The following CLRN1 variants were observed in gnomAD, a reference collection of about 807,000 sequenced individuals.
CLRN1 encodes the protein clarin-1.
Under a neutral mutation model 18.7 loss-of-function variants are expected in CLRN1, and 15 were observed. The observed-to-expected ratio is 0.80, with a 90% CI of 0.54 to 1.23. The LOEUF is 1.23. Among genes scored for constraint, CLRN1 ranks in the 50% most tolerant of loss-of-function variants. The probability of loss-of-function intolerance (pLI) is 0.00; values close to 1 mark genes in which losing one functional copy is unlikely to be tolerated. For synonymous variants in CLRN1, 104 were observed against 102.9 expected (o/e 1.01, Z -0.07); for missense variants, 311 against 277.5 (o/e 1.12, Z -0.86).
chr3:150,952,094 A>G (rs1714516716), intron 1 of CLRN1, among the ~76,000 whole-genome samples: 1 of 152,200 alleles, frequency 6.6e-6, no homozygotes, highest in Non-Finnish European at 1.5e-5. Flanking sequence ...GCAGTTGTCC[A>G]CTATGCCCCA....
intron 1 of CLRN1, among the ~76,000 whole-genome samples, chr3:150,963,758 C>A (rs892191800): frequency 3.3e-5 from 5 of 152,124 alleles, no homozygotes; most frequent in African/African-American, 1.2e-4. Context: ...AGAAATAATG[C>A]CACACATCTA....
intron 2 of CLRN1, among the ~76,000 whole-genome samples, chr3:150,936,305 A>G (rs73153896): frequency 0.34 from 51,379 of 151,944 alleles, 8,888 homozygotes; most frequent in South Asian, 0.4. Flanking sequence ...ATGCCCAAAT[A>G]TACATCTTTC....
intron 1 of CLRN1, among the ~76,000 whole-genome samples, chr3:150,956,884 TCAGTCTATGAA>T (rs1714760532): frequency 6.6e-6 from 1 of 152,134 alleles, no homozygotes; most frequent in South Asian, 2.1e-4. Flanking sequence ...TCCACTTCTT[TCAGTCTATGAA>T]CCTGGCTTAT....
At chr3:150,940,989 T>C (rs1435706713) in intron 2 of CLRN1, among the ~76,000 whole-genome samples, 4 of 152,122 alleles carry the variant, frequency 2.6e-5, no homozygotes, top group Non-Finnish European at 5.9e-5. Flanking sequence ...ATGCCATTTA[T>C]TTATTTTTAT....
intron 1 of CLRN1, among the ~76,000 whole-genome samples, chr3:150,965,305 G>T (rs947542862): frequency 8.6e-5 from 13 of 151,982 alleles, no homozygotes; most frequent in African/African-American, 3.1e-4. Flanking sequence ...CCCATGTAAG[G>T]GTTGTAGATA....
chr3:150,944,988 G>A (rs944538711), intron 1 of CLRN1, among the ~76,000 whole-genome samples: 1 of 152,140 alleles, frequency 6.6e-6, no homozygotes, highest in Non-Finnish European at 1.5e-5. Flanking sequence ...AGAAGACTGG[G>A]GTGTTAAAGA....
At chr3:150,964,043 A>G (rs1715156410) in intron 1 of CLRN1, among the ~76,000 whole-genome samples, 1 of 152,240 alleles carries the variant, frequency 6.6e-6, no homozygotes, top group African/African-American at 2.4e-5. Flanking sequence ...CAATGGCAAC[A>G]AAAGCCAAAA....
downstream of CLRN1, chr3:150,926,272 A>C (rs1215248885): frequency 6.3e-6 from 1 of 159,166 alleles, no homozygotes; most frequent in Non-Finnish European, 1.4e-5. Flanking sequence ...CTAAAGAAAA[A>C]AGCCTGGTGT....
chr3:150,937,972 T>C (rs771830780), intron 2 of CLRN1, among the ~76,000 whole-genome samples: 5 of 152,154 alleles, frequency 3.3e-5, no homozygotes, highest in Non-Finnish European at 7.3e-5. Context: ...AGGACTTCTT[T>C]TCCCTTCCCT....
chr3:150,928,768 T>G (rs1216198390), intron 2 of CLRN1, among the ~76,000 whole-genome samples: 2 of 152,210 alleles, frequency 1.3e-5, no homozygotes, highest in Non-Finnish European at 2.9e-5. Context: ...GTGGCGCACA[T>G]CTCTATTCTC....
At position 150,972,524 on chromosome 3, in the gene CLRN1, T is replaced by C. The variant is rs903439082; in HGVS notation, c.185A>G (p.Gln62Arg). ...QELDKFMGEM[Q>R]YGLFHGEGVR... is the part of the protein sequence containing the mutation. ...ACCCTCTCCGTGGAAAAGCCCGTAC[T>C]GCATTTCACCCATAAACTTGTCCAG... is the stretch of plus-strand genomic sequence containing the variant. The change falls in exon 1 of 3, where the codon CAG (glutamine) becomes CGG (arginine). Residue 62 changes from glutamine (Q) to arginine (R), a missense_variant. Physicochemically the swap from Gln to Arg is conservative, Grantham distance 43 (BLOSUM62 1). Transcript: ENST00000327047. The C allele has an allele frequency of 1.2e-6, 2 of 1,614,234 alleles. No homozygotes were observed. Among genetic ancestry groups the C allele is most frequent in the Non-Finnish European group, 1.7e-6 (2 of 1,180,048 alleles).
intron 1 of CLRN1, among the ~76,000 whole-genome samples, chr3:150,968,141 T>C (rs1715352081): frequency 6.6e-6 from 1 of 152,224 alleles, no homozygotes; most frequent in Non-Finnish European, 1.5e-5. Flanking sequence ...ATCTTGGCAA[T>C]GAATAGATCA....
At chr3:150,960,112 TA>T (rs1714954377) in intron 1 of CLRN1, among the ~76,000 whole-genome samples, 1 of 152,198 alleles carries the variant, frequency 6.6e-6, no homozygotes, top group Non-Finnish European at 1.5e-5. Flanking sequence ...TTTTGCCATT[TA>T]CTATGCATGT....
chr3:150,929,483 C>A (rs1269111909), intron 2 of CLRN1, among the ~76,000 whole-genome samples: 1 of 152,156 alleles, frequency 6.6e-6, no homozygotes, highest in Non-Finnish European at 1.5e-5. Flanking sequence ...TTAGGTGAAA[C>A]CAATTTGGGT....
intron 1 of CLRN1, among the ~76,000 whole-genome samples, chr3:150,951,219 G>A (rs1265041665): frequency 3.3e-5 from 5 of 151,990 alleles, no homozygotes; most frequent in East Asian, 1.9e-4. Context: ...GTTTACCTAT[G>A]TAACAGACTT....
At chr3:150,953,619 G>A (rs943301669) in intron 1 of CLRN1, among the ~76,000 whole-genome samples, 1 of 152,168 alleles carries the variant, frequency 6.6e-6, no homozygotes, top group African/African-American at 2.4e-5. Flanking sequence ...TGGAGTTCAA[G>A]TGATCCTCCC....
intron 1 of CLRN1, among the ~76,000 whole-genome samples, chr3:150,944,492 G>T (rs1369470983): frequency 1.3e-5 from 2 of 151,918 alleles, no homozygotes; most frequent in Non-Finnish European, 2.9e-5. Flanking sequence ...GATGGGGGCT[G>T]GCCTACGGTG....
intron 2 of CLRN1, among the ~76,000 whole-genome samples, chr3:150,932,104 G>C (rs1335291946): frequency 6.6e-6 from 1 of 151,994 alleles, no homozygotes; most frequent in Non-Finnish European, 1.5e-5. Context: ...TGACTGAATA[G>C]GATAGCTGAG....
rs184954570 is a variant in CLRN1, at chr3:150,967,704, G to C, written c.253+4752C>G. On this transcript the variant is annotated intron_variant, in intron 1 of 2. Coordinates refer to ENST00000327047, the MANE Select transcript of CLRN1 (RefSeq NM_174878.3). ...GGCAGGGTGATAGGAGAGACGCAAG[G>C]TGTGCAGGGTCATGACCAGTGAGTC... Among the ~76,000 whole-genome samples the C allele has an allele frequency of 1.5e-3, 221 of 152,304 alleles. 1 individual carries two copies. The highest frequency in any genetic ancestry group is 5.0e-3 in the African/African-American group (209 of 41,568).
Sources: gnomAD v4.1 joint callset for allele counts (sites outside exome capture counted in the v4.1 genomes callset) on GRCh38, gnomAD v4.1.1 for gene constraint, MANE v1.5 for transcripts, NCBI Gene and HGNC (gene_info 2026-07-23, HGNC 2026-07-21) for gene names.